PTBP3: variants seen among roughly 807,000 people sequenced by gnomAD.
PTBP3 encodes the protein polypyrimidine tract-binding protein 3.
A neutral mutation model predicts 58.7 loss-of-function variants in PTBP3; 20 were observed. That is an observed-to-expected ratio of 0.34 (90% CI 0.24 to 0.50). PTBP3 has a LOEUF of 0.50. Ranked by LOEUF, PTBP3 falls within the 20% of genes least tolerant of loss-of-function variation. The pLI, the probability that PTBP3 is intolerant of heterozygous loss-of-function variation, is 0.98. For synonymous variants in PTBP3, 185 were observed against 219.8 expected, an observed-to-expected ratio of 0.84 and a Z score of 1.40; for missense variants, 509 against 637.2, an observed-to-expected ratio of 0.80 and a Z score of 2.17.
chr9:112,275,984 G>T lies in PTBP3; in HGVS notation c.64C>A (p.Arg22=). 1 of 1,612,210 alleles carries T rather than the reference G, an allele frequency of 6.2e-7. No homozygotes were observed. Among genetic ancestry groups the T allele is most frequent in the Non-Finnish European group, 8.5e-7 (1 of 1,179,202 alleles). The change falls in exon 3 of 14, where the codon CGA becomes AGA. Residue 22 remains arginine, a synonymous_variant. Coordinates refer to ENST00000374257, the MANE Select transcript of PTBP3 (RefSeq NM_001163788.4). ...ANGNDSKKFK[R]DRPPCSPSRV... is the part of the protein sequence containing the mutation. ...GAAGGCGAACAGGGAGGTCTATCTC[G>T]TTTAAATTTCTTGCTGTCATTCCCA...
At chr9:112,237,884 A>G (rs1835496691) in intron 7 of PTBP3, among the ~76,000 whole-genome samples, 1 of 152,232 alleles carries the variant, frequency 6.6e-6, no homozygotes, top group Non-Finnish European at 1.5e-5. Flanking sequence ...AAAAGTTCTA[A>G]CCAAAAGGAA....
intron 1 of PTBP3, among the ~76,000 whole-genome samples, chr9:112,307,132 T>G (rs35519521): frequency 1.3e-5 from 2 of 152,186 alleles, no homozygotes; most frequent in Non-Finnish European, 2.9e-5. Flanking sequence ...ATTTTTATTG[T>G]CTTATTACAC....
In PTBP3 at chr9:112,221,001, T is replaced by A. The variant is rs865820802; in HGVS notation, c.*2850A>T. The A allele has an allele frequency of 1.0e-6, 1 of 974,640 alleles. No individual in the cohort carries two copies. The highest frequency in any genetic ancestry group is 1.2e-6 in the Non-Finnish European group (1 of 820,154). The allele number at this position is 974,640 out of a possible 1,614,324, so 60.4% of individuals were successfully genotyped here. ...GTTTTTCCACCATCCTGATATTTTTTAATCTTTTTTTTACAAAAACTATGC... is the reference window on the plus strand; with the variant it reads ...GTTTTTCCACCATCCTGATATTTTTAAATCTTTTTTTTACAAAAACTATGC... On this transcript the variant is annotated 3_prime_UTR_variant, in exon 14 of 14. Coordinates refer to ENST00000374257, the MANE Select transcript of PTBP3 (RefSeq NM_001163788.4).
intron 5 of PTBP3, among the ~76,000 whole-genome samples, chr9:112,256,668 T>C (rs1352333711): frequency 6.6e-6 from 1 of 151,744 alleles, no homozygotes; most frequent in Admixed American, 6.6e-5. Context: ...GTACTACAGG[T>C]ACATACCACC....
intron 2 of PTBP3, among the ~76,000 whole-genome samples, chr9:112,290,414 C>T (rs762535092): frequency 3.3e-5 from 5 of 151,992 alleles, no homozygotes; most frequent in African/African-American, 4.8e-5. Context: ...GTGGCTCACA[C>T]CTGTATTACC....
chr9:112,248,419 C>T (rs774048118), intron 7 of PTBP3, among the ~76,000 whole-genome samples: 2 of 152,120 alleles, frequency 1.3e-5, no homozygotes, highest in Non-Finnish European at 2.9e-5. Flanking sequence ...AGACTACACA[C>T]TGGGTACAGT....
intron 1 of PTBP3, among the ~76,000 whole-genome samples, chr9:112,310,703 T>C (rs1829438876): frequency 6.6e-6 from 1 of 152,112 alleles, no homozygotes; most frequent in Admixed American, 6.5e-5. Context: ...TCTTAAAAAG[T>C]AGGAGAAAAA....
At chr9:112,314,724 A>C (rs1360493050) in intron 1 of PTBP3, among the ~76,000 whole-genome samples, 1 of 152,194 alleles carries the variant, frequency 6.6e-6, no homozygotes, top group Non-Finnish European at 1.5e-5. Context: ...AGAAATACAC[A>C]AATCTACAAT....
intron 7 of PTBP3, among the ~76,000 whole-genome samples, chr9:112,250,623 C>T (rs1836071818): frequency 1.3e-5 from 2 of 152,088 alleles, no homozygotes; most frequent in Non-Finnish European, 2.9e-5. Context: ...TATAAACTAG[C>T]ATATTTAAGT....
chr9:112,370,726 T>C, the PTBP3 span, among the ~76,000 whole-genome samples: 12,613 of 152,220 alleles, frequency 0.083, 1,202 homozygotes, highest in African/African-American at 0.23. Flanking sequence ...TTGAGGAGTA[T>C]TGTAATTTGA....
intron 5 of PTBP3, among the ~76,000 whole-genome samples, chr9:112,256,025 A>T (rs1290909981): frequency 1.3e-5 from 2 of 151,990 alleles, no homozygotes; most frequent in Non-Finnish European, 2.9e-5. Context: ...AGGCTGAGAC[A>T]GGTGGGTCAC....
chr9:112,232,973 C>A (rs574187993), intron 8 of PTBP3, among the ~76,000 whole-genome samples: 1 of 152,124 alleles, frequency 6.6e-6, no homozygotes, highest in Admixed American at 6.6e-5. Flanking sequence ...AATTTAATGA[C>A]TCTTTAAAAT....
chr9:112,230,879 A>T (rs183491875), intron 10 of PTBP3, among the ~76,000 whole-genome samples: 16 of 152,214 alleles, frequency 1.1e-4, no homozygotes, highest in African/African-American at 3.9e-4. Context: ...CTTGCCTTAA[A>T]ATTATTCAAT....
chr9:112,295,510 T>C (rs1828638785), intron 2 of PTBP3, among the ~76,000 whole-genome samples: 1 of 150,098 alleles, frequency 6.7e-6, no homozygotes, highest in Admixed American at 6.7e-5. Flanking sequence ...AAGACTTAAT[T>C]ACATGACCAC....
chr9:112,372,288 A>T, the PTBP3 span, among the ~76,000 whole-genome samples: 1 of 152,154 alleles, frequency 6.6e-6, no homozygotes, highest in African/African-American at 2.4e-5. Flanking sequence ...CTATGTTGCC[A>T]GGCTGGTCTT....
At chr9:112,337,279 C>T (rs1314098222), upstream of PTBP3, among the ~76,000 whole-genome samples, 1 of 152,210 alleles carries the variant, frequency 6.6e-6, no homozygotes, top group East Asian at 1.9e-4. Context: ...ATCTGCTTGC[C>T]TCCACCTCCC....
At chr9:112,231,768 C>T (rs539346362) in intron 9 of PTBP3, among the ~76,000 whole-genome samples, 1 of 151,348 alleles carries the variant, frequency 6.6e-6, no homozygotes, top group Non-Finnish European at 1.5e-5. Flanking sequence ...ATTAGCCAGG[C>T]GTGGTAGTGG....
the PTBP3 span, among the ~76,000 whole-genome samples, chr9:112,338,748 T>G: frequency 6.6e-6 from 1 of 152,252 alleles, no homozygotes; most frequent in Non-Finnish European, 1.5e-5. Flanking sequence ...GGCATGTAAG[T>G]GTCTCCTACA....
rs536781234 is a variant in PTBP3, at chr9:112,293,088, C to A, written c.34+4744G>T. 3.3e-3 allele frequency among the ~76,000 whole-genome samples: 499 copies of A among 152,296 alleles called. 2 individuals carry two copies. The highest frequency in any genetic ancestry group is 5.4e-3 in the Non-Finnish European group (364 of 68,016). ...TTGGGGCAATACACAACACAAGTTACTCTCACAAACATAATGTTGAATGAA... is the reference window on the plus strand; with the variant it reads ...TTGGGGCAATACACAACACAAGTTAATCTCACAAACATAATGTTGAATGAA... On this transcript the variant is annotated intron_variant, in intron 2 of 13. Transcript: ENST00000374257.
Sources: gnomAD v4.1 joint callset for allele counts (sites outside exome capture counted in the v4.1 genomes callset) on GRCh38, gnomAD v4.1.1 for gene constraint, MANE v1.5 for transcripts, NCBI Gene and HGNC (gene_info 2026-07-23, HGNC 2026-07-21) for gene names.